The following CCDC178 variants were observed in gnomAD, a reference collection of about 807,000 sequenced individuals.
CCDC178 encodes the protein coiled-coil domain containing 178, also known as coiled-coil domain-containing protein 178.
Under a neutral mutation model 117.4 loss-of-function variants are expected in CCDC178, and 126 were observed. That is an observed-to-expected ratio of 1.07 (90% CI 0.93 to 1.24). The LOEUF (loss-of-function observed/expected upper bound fraction) is 1.24. Ranked by LOEUF, CCDC178 falls within the 50% of genes most tolerant of loss-of-function variation. CCDC178 has a pLI of 0.00. For synonymous variants in CCDC178, 283 were observed against 313.4 expected, an observed-to-expected ratio of 0.90 and a Z score of 1.02; for missense variants, 1,030 against 986.9, an observed-to-expected ratio of 1.04 and a Z score of -0.59.
chr18:33,207,843 G>T (rs1222018507), intron 20 of CCDC178, among the ~76,000 whole-genome samples: 1 of 151,962 alleles, frequency 6.6e-6, no homozygotes, highest in Non-Finnish European at 1.5e-5. Flanking sequence ...CTTCTTCCTT[G>T]TTTAATGGAT....
At chr18:33,395,280 T>C (rs2063620439) in intron 4 of CCDC178, among the ~76,000 whole-genome samples, 1 of 151,898 alleles carries the variant, frequency 6.6e-6, no homozygotes, top group Non-Finnish European at 1.5e-5. Context: ...TTTAAAAATA[T>C]AATTTTCATG....
At chr18:33,010,702 A>G (rs929118213) in intron 21 of CCDC178, among the ~76,000 whole-genome samples, 1 of 152,212 alleles carries the variant, frequency 6.6e-6, no homozygotes, top group African/African-American at 2.4e-5. Context: ...AAGGACCATA[A>G]ATGTAGTTCT....
At chr18:33,087,631 G>T (rs1251113114) in intron 21 of CCDC178, among the ~76,000 whole-genome samples, 1 of 151,438 alleles carries the variant, frequency 6.6e-6, no homozygotes, top group Non-Finnish European at 1.5e-5. Flanking sequence ...TGTGTTCTAA[G>T]AAATGGAAGC....
chr18:32,973,476 T>C (rs1375461812), intron 22 of CCDC178, among the ~76,000 whole-genome samples: 2 of 152,086 alleles, frequency 1.3e-5, no homozygotes, highest in Admixed American at 6.6e-5. Flanking sequence ...TAAATCTACA[T>C]GTTTTAAGCA....
intron 5 of CCDC178, among the ~76,000 whole-genome samples, chr18:33,372,268 T>C (rs1383058517): frequency 6.6e-6 from 1 of 152,122 alleles, no homozygotes; most frequent in Admixed American, 6.6e-5. Flanking sequence ...TGGCATAAGT[T>C]AAAACTTTCA....
At chr18:33,026,040 A>G (rs893959754) in intron 21 of CCDC178, among the ~76,000 whole-genome samples, 6 of 152,142 alleles carry the variant, frequency 3.9e-5, no homozygotes, top group South Asian at 4.1e-4. Flanking sequence ...AGGAAAAAAA[A>G]ATGGAATAAA....
At chr18:33,127,015 T>C (rs556903030) in intron 20 of CCDC178, among the ~76,000 whole-genome samples, 3,117 of 142,334 alleles carry the variant, frequency 0.022, 53 homozygotes, top group African/African-American at 0.055. Context: ...TATATATATA[T>C]ACACACACAC....
chr18:33,286,886 A>G (rs1387639464), intron 12 of CCDC178, among the ~76,000 whole-genome samples: 1 of 152,220 alleles, frequency 6.6e-6, no homozygotes. Context: ...CACATCATAA[A>G]ATTATTTTCT....
chr18:33,427,785 C>G (rs1033311914), intron 2 of CCDC178, among the ~76,000 whole-genome samples: 1 of 152,168 alleles, frequency 6.6e-6, no homozygotes, highest in African/African-American at 2.4e-5. Flanking sequence ...GAGCCTTTCA[C>G]CTTCTGGTAA....
intron 20 of CCDC178, among the ~76,000 whole-genome samples, chr18:33,093,598 T>C (rs986484293): frequency 2.0e-5 from 3 of 152,004 alleles, no homozygotes; most frequent in African/African-American, 7.2e-5. Flanking sequence ...AGAAAATAAC[T>C]TTGCATCACT....
At chr18:33,146,316 AT>A (rs1257877420) in intron 20 of CCDC178, among the ~76,000 whole-genome samples, 1 of 152,220 alleles carries the variant, frequency 6.6e-6, no homozygotes. Flanking sequence ...GAGAGATAAA[AT>A]TGAAAAAGCC....
chr18:33,119,255 C>T (rs192832049), intron 20 of CCDC178, among the ~76,000 whole-genome samples: 228 of 152,134 alleles, frequency 1.5e-3, no homozygotes, highest in African/African-American at 5.2e-3. Flanking sequence ...ACAGGCAACC[C>T]ACAGAATGGG....
chr18:33,283,251 G>A (rs1457499942), intron 12 of CCDC178, among the ~76,000 whole-genome samples: 1 of 151,936 alleles, frequency 6.6e-6, no homozygotes, highest in Non-Finnish European at 1.5e-5. Flanking sequence ...TCCCACAAAC[G>A]AAGTCAGTCG....
chr18:33,319,253 C>T (rs758240074), intron 11 of CCDC178, among the ~76,000 whole-genome samples: 19 of 151,980 alleles, frequency 1.3e-4, no homozygotes, highest in Admixed American at 7.9e-4. Flanking sequence ...CAGGTGTTCT[C>T]GGTGTTCAAT....
chr18:33,023,733 A>C (rs1390436098), intron 21 of CCDC178, among the ~76,000 whole-genome samples: 1 of 152,134 alleles, frequency 6.6e-6, no homozygotes, highest in Non-Finnish European at 1.5e-5. Context: ...AACAGAAATC[A>C]ATAAAATTGA....
At chr18:33,092,194 C>T (rs925675863) in intron 21 of CCDC178, among the ~76,000 whole-genome samples, 1 of 152,112 alleles carries the variant, frequency 6.6e-6, no homozygotes, top group African/African-American at 2.4e-5. Context: ...TGTATTATAA[C>T]ACTCTAGTAA....
chr18:33,374,442 T>TCA (rs941723736), intron 5 of CCDC178, among the ~76,000 whole-genome samples: 22 of 152,228 alleles, frequency 1.4e-4, no homozygotes, highest in African/African-American at 5.1e-4. Flanking sequence ...CAATACAACT[T>TCA]CACACACACA....
intron 5 of CCDC178, among the ~76,000 whole-genome samples, chr18:33,388,163 G>A (rs2063519848): frequency 6.6e-6 from 1 of 152,132 alleles, no homozygotes; most frequent in East Asian, 1.9e-4. Flanking sequence ...ACTACAATGA[G>A]ATACCATCTC....
chr18:32,958,914 C>A (rs1423442888), intron 22 of CCDC178, among the ~76,000 whole-genome samples: 1 of 152,068 alleles, frequency 6.6e-6, no homozygotes, highest in African/African-American at 2.4e-5. Flanking sequence ...TCACAGTTGT[C>A]AAGGTGTTAG....
Sources: gnomAD v4.1 joint callset for allele counts (sites outside exome capture counted in the v4.1 genomes callset) on GRCh38, gnomAD v4.1.1 for gene constraint, MANE v1.5 for transcripts, NCBI Gene and HGNC (gene_info 2026-07-23, HGNC 2026-07-21) for gene names.